The following IL17RD variants were observed in gnomAD, a reference collection of about 807,000 sequenced individuals.
IL17RD encodes interleukin 17 receptor D.
In IL17RD, 52 loss-of-function variants were observed where a neutral mutation model predicts 80.5. The ratio of observed to expected loss-of-function variants is 0.65; its 90% confidence interval spans 0.52 to 0.81. The LOEUF is 0.81. IL17RD is among the 40% of genes least tolerant of loss of function. IL17RD has a pLI of 0.00. For missense variants in IL17RD, 1,024 were observed against 955.1 expected, an observed-to-expected ratio of 1.07 and a Z score of -0.95; for synonymous variants, 416 against 391.8, an observed-to-expected ratio of 1.06 and a Z score of -0.73.
intron 1 of IL17RD, among the ~76,000 whole-genome samples, chr3:57,157,239 G>T (rs1305374290): frequency 2.0e-5 from 3 of 152,186 alleles, no homozygotes; most frequent in Non-Finnish European, 4.4e-5. Flanking sequence ...TCAACAAACT[G>T]CTTTTCACGG....
rs745648416 is a variant in IL17RD, at chr3:57,098,380, G to C, written c.1323C>G (p.Gly441=). The part of the protein sequence containing the change: ...DKKNYKHKGG[G]RGSGKGELFL... ...AGAGCTCTCCTTTCCCCGAGCCTCGGCCACCTCCTTTGTGTTTGTAGTTCT... is the reference window on the plus strand; with the variant it reads ...AGAGCTCTCCTTTCCCCGAGCCTCGCCCACCTCCTTTGTGTTTGTAGTTCT... Residue 441 remains glycine (G), a synonymous_variant, in exon 12 of 13, where the codon GGC becomes GGG. Coordinates refer to ENST00000296318, the MANE Select transcript of IL17RD (RefSeq NM_017563.5). The C allele has an allele frequency of 6.2e-7, 1 of 1,613,996 alleles. No homozygotes were observed. Among genetic ancestry groups the C allele is most frequent in the East Asian group, 2.2e-5 (1 of 44,882 alleles).
intron 1 of IL17RD, among the ~76,000 whole-genome samples, chr3:57,148,015 T>C (rs906067671): frequency 1.1e-4 from 16 of 143,674 alleles, no homozygotes; most frequent in Non-Finnish European, 2.1e-4. Context: ...AAGTCAAGTT[T>C]TCATATAAAA....
In IL17RD at chr3:57,097,789, G is replaced by A. The variant is rs755627496; in HGVS notation, c.1914C>T (p.Asp638=). 9.3e-6 allele frequency: 15 copies of A among 1,604,496 alleles called. No homozygotes were observed. The highest frequency in any genetic ancestry group is 4.5e-5 in the East Asian group (2 of 44,790). Residue 638 remains aspartate (D), a synonymous_variant, in exon 12 of 13, where the codon GAC becomes GAT. Transcript: ENST00000296318. ...DQDGEARPAL[D]GSAALQPLLH... ...GCAGGGGTTGCAGGGCGGCGCTACC[G>A]TCAAGGGCAGGCCGGGCCTCCCCGT...
Position 57,127,339 on chromosome 3 carries a change from AAT to A in IL17RD, c.127-7028_127-7027del, listed in dbSNP as rs1180165171. On this transcript the variant is annotated intron_variant, in intron 1 of 12. Transcript: ENST00000296318. ...AAAAATATATATAAATATATATAAA[AAT>A]ATATATAAATATATATAAATATAAA... Among the ~76,000 whole-genome samples the A allele has an allele frequency of 8.9e-5, 6 of 67,236 alleles. 1 individual carries two copies. The highest frequency in any genetic ancestry group is 2.3e-4 in the African/African-American group (3 of 13,268). The allele number at this position is 67,236 out of a possible 152,430, so 44.1% of individuals were successfully genotyped here.
At chr3:57,149,954 C>T (rs1469890098) in intron 1 of IL17RD, among the ~76,000 whole-genome samples, 3 of 152,176 alleles carry the variant, frequency 2.0e-5, no homozygotes, top group Non-Finnish European at 2.9e-5. Flanking sequence ...AAGTTATATG[C>T]ATATATATGT....
Position 57,113,561 on chromosome 3 carries a change from G to A in IL17RD, c.310+1131C>T, listed in dbSNP as rs191551850. 1.7e-3 allele frequency among the ~76,000 whole-genome samples: 261 copies of A among 152,148 alleles called. 2 individuals carry two copies. Among genetic ancestry groups the A allele is most frequent in the African/African-American group, 6.2e-3 (256 of 41,512 alleles). ...CTGTTTTGTTTTATAAAGAGACAGGGTCTCTCACTCTATAGCTCAGGCTTG... is the reference window on the plus strand; with the variant it reads ...CTGTTTTGTTTTATAAAGAGACAGGATCTCTCACTCTATAGCTCAGGCTTG... On this transcript the variant is annotated intron_variant, in intron 3 of 12. Transcript: ENST00000296318.
chr3:57,098,230 G>A lies in IL17RD; in HGVS notation c.1473C>T (p.Ile491=). 6.2e-7 allele frequency: 1 copy of A among 1,613,922 alleles called. No homozygotes were observed. Among genetic ancestry groups the A allele is most frequent in the South Asian group, 1.1e-5 (1 of 91,062 alleles). The change falls in exon 12 of 13, where the codon ATC becomes ATT. Residue 491 remains isoleucine (I), a synonymous_variant. Transcript: ENST00000296318. ...DYSCEGDVPG[I]LDLSTKYRLM... is the part of the protein sequence containing the mutation. ...GTCTGTACTTGGTACTCAGGTCTAG[G>A]ATACCGGGGACGTCTCCCTCGCAGG...
At chr3:57,168,304 C>A (rs1341892593), upstream of IL17RD, among the ~76,000 whole-genome samples, 1 of 152,232 alleles carries the variant, frequency 6.6e-6, no homozygotes, top group Non-Finnish European at 1.5e-5. Flanking sequence ...CTCCTGCTCC[C>A]TTTCTGTCTG....
At position 57,102,583 on chromosome 3, in the gene IL17RD, G is replaced by T. The variant is rs1340651216; in HGVS notation, c.875C>A (p.Ser292Tyr). The T allele has an allele frequency of 2.6e-6, 4 of 1,517,628 alleles. No homozygotes were observed. The highest frequency in any genetic ancestry group is 3.6e-6 in the Non-Finnish European group (4 of 1,108,144). The allele number at this position is 1,517,628 out of a possible 1,614,324, so 94.0% of individuals were successfully genotyped here. ...GGCTCTGATGGGCCCGGCCCACGGG[G>T]AGTGCACTGGGAAATTTCAAAGGGA... ...VMHYALKPVH[S>Y]PWAGPIRAVA... is the part of the protein sequence containing the mutation. Residue 292 changes from serine (S) to tyrosine (Y), a missense_variant, in exon 10 of 13, where the codon TCC becomes TAC. Coordinates refer to ENST00000296318, the MANE Select transcript of IL17RD (RefSeq NM_017563.5).
At chr3:57,138,939 C>CA (rs1026336884) in intron 1 of IL17RD, among the ~76,000 whole-genome samples, 2,151 of 39,244 alleles carry the variant, frequency 0.055, 74 homozygotes, top group African/African-American at 0.12. Flanking sequence ...AACTCCATCT[C>CA]AAAAAAAAAA....
chr3:57,143,423 C>T (rs72875824), intron 1 of IL17RD, among the ~76,000 whole-genome samples: 2,606 of 152,212 alleles, frequency 0.017, 79 homozygotes, highest in African/African-American at 0.058. Context: ...CAGGGACTCC[C>T]TCAGAGGAGC....
At chr3:57,145,339 T>C (rs984347659) in intron 1 of IL17RD, among the ~76,000 whole-genome samples, 3 of 152,134 alleles carry the variant, frequency 2.0e-5, no homozygotes, top group African/African-American at 4.8e-5. Context: ...ACCGGGTCTT[T>C]GGCCATGTGG....
At chr3:57,109,696 T>C (rs1299616536) in intron 4 of IL17RD, 39 bp from the exon 5 acceptor site, 2 of 1,598,016 alleles carry the variant, frequency 1.3e-6, no homozygotes, top group Non-Finnish European at 8.5e-7. Context: ...CATGGAGAAA[T>C]TACCCACCCC....
chr3:57,126,662 T>C (rs1707465305), intron 1 of IL17RD, among the ~76,000 whole-genome samples: 1 of 152,176 alleles, frequency 6.6e-6, no homozygotes, highest in Non-Finnish European at 1.5e-5. Flanking sequence ...AACTGCCATT[T>C]TGGAAAAATG....
At chr3:57,147,897 C>T (rs188948111) in intron 1 of IL17RD, among the ~76,000 whole-genome samples, 1 of 152,090 alleles carries the variant, frequency 6.6e-6, no homozygotes, top group Non-Finnish European at 1.5e-5. Flanking sequence ...ACTCAGTAAG[C>T]TTCATTTTTC....
chr3:57,160,847 A>C (rs946421961), intron 1 of IL17RD, among the ~76,000 whole-genome samples: 9 of 151,848 alleles, frequency 5.9e-5, no homozygotes, highest in African/African-American at 1.7e-4. Context: ...CCTCACTCTC[A>C]CTCTGATCCC....
chr3:57,100,482 A>G (rs1365181033), intron 11 of IL17RD, among the ~76,000 whole-genome samples: 1 of 152,248 alleles, frequency 6.6e-6, no homozygotes, highest in Non-Finnish European at 1.5e-5. Context: ...CATATTAATA[A>G]GATATTAATA....
intron 1 of IL17RD, among the ~76,000 whole-genome samples, chr3:57,139,106 TGAC>T (rs1707783602): frequency 6.6e-6 from 1 of 152,038 alleles, no homozygotes; most frequent in East Asian, 1.9e-4. Flanking sequence ...ACGTCATGTA[TGAC>T]GGCATGCCAC....
At chr3:57,163,444 C>A (rs1468352744) in intron 1 of IL17RD, among the ~76,000 whole-genome samples, 1 of 152,070 alleles carries the variant, frequency 6.6e-6, no homozygotes, top group African/African-American at 2.4e-5. Context: ...ACTACCATAC[C>A]CCACAGCATG....
Sources: gnomAD v4.1 joint callset for allele counts (sites outside exome capture counted in the v4.1 genomes callset) on GRCh38, gnomAD v4.1.1 for gene constraint, MANE v1.5 for transcripts, NCBI Gene and HGNC (gene_info 2026-07-23, HGNC 2026-07-21) for gene names.